SIMC1: variants seen among roughly 807,000 people sequenced by gnomAD.
SIMC1 encodes the protein SUMO interacting motifs containing 1, also known as SUMO-interacting motif-containing protein 1.
In SIMC1, 55 loss-of-function variants were observed where a neutral mutation model predicts 82.3. The observed-to-expected ratio is 0.67, with a 90% CI of 0.54 to 0.84. The LOEUF (loss-of-function observed/expected upper bound fraction) is 0.84, where lower values mean the gene tolerates loss of function less well. Ranked by LOEUF, SIMC1 falls within the 40% of genes least tolerant of loss-of-function variation. The probability of loss-of-function intolerance (pLI) is 0.00; values close to 1 mark genes in which losing one functional copy is unlikely to be tolerated. For synonymous variants in SIMC1, 353 were observed against 426.3 expected (o/e 0.83, Z 2.12); for missense variants, 915 against 1,107.2 (o/e 0.83, Z 2.46).
chr5:176,247,900 A>G (rs1761503406), intron 1 of SIMC1, among the ~76,000 whole-genome samples: 1 of 151,900 alleles, frequency 6.6e-6, no homozygotes, highest in Admixed American at 6.6e-5. Context: ...CAGGTTTGTC[A>G]AAGATCAGAT....
intron 4 of SIMC1, chr5:176,313,144 C>T: frequency 2.5e-6 from 1 of 406,574 alleles, no homozygotes; most frequent in Non-Finnish European, 3.7e-6. Context: ...TTGAGCCAAG[C>T]CAACAGACTT....
intron 1 of SIMC1, among the ~76,000 whole-genome samples, chr5:176,244,435 G>A (rs1353091873): frequency 1.3e-5 from 2 of 148,254 alleles, no homozygotes; most frequent in Non-Finnish European, 1.5e-5. Context: ...ATTTAGTCTT[G>A]TTAGCGCATA....
At chr5:176,269,306 G>T (rs1412907290) in intron 1 of SIMC1, among the ~76,000 whole-genome samples, 8 of 152,104 alleles carry the variant, frequency 5.3e-5, no homozygotes, top group Admixed American at 5.2e-4. Flanking sequence ...TTTAAAAAAT[G>T]TTACCAATAT....
In SIMC1 at chr5:176,332,440, G is replaced by A. The variant is rs373321412; in HGVS notation, c.2172-4280G>A. Among the ~76,000 whole-genome samples the A allele has an allele frequency of 1.3e-3, 198 of 152,080 alleles. 1 individual carries two copies. Among genetic ancestry groups the A allele is most frequent in the African/African-American group, 4.6e-3 (191 of 41,470 alleles). ...CAAGTAGCTGGGATTACAGGCATGCGCCACCAGACCCGGCTAACTTTGCAT... is the reference window on the plus strand; with the variant it reads ...CAAGTAGCTGGGATTACAGGCATGCACCACCAGACCCGGCTAACTTTGCAT... On this transcript the variant is annotated intron_variant, in intron 7 of 9. Transcript: ENST00000429602.
chr5:176,344,676 G>A (rs910098866), intron 9 of SIMC1, among the ~76,000 whole-genome samples: 1 of 152,140 alleles, frequency 6.6e-6, no homozygotes, highest in Non-Finnish European at 1.5e-5. Flanking sequence ...GTGAGGAGGT[G>A]CTACGTAAAC....
chr5:176,291,558 G>C (rs1181115253), intron 2 of SIMC1, among the ~76,000 whole-genome samples: 1 of 151,802 alleles, frequency 6.6e-6, no homozygotes, highest in African/African-American at 2.4e-5. Context: ...GAATGGCCTC[G>C]ATCTCCTGAC....
Position 176,345,486 on chromosome 5 carries a change from T to A in SIMC1, c.*41T>A. Reference sequence around the variant, plus strand: ...TGAATGCCAAGAATACCTCCTGAACTCTCTCTCCAACTGCTCAGAAGCTCT... The same window carrying A: ...TGAATGCCAAGAATACCTCCTGAACACTCTCTCCAACTGCTCAGAAGCTCT... On this transcript the variant is annotated 3_prime_UTR_variant, in exon 10 of 10. Coordinates refer to ENST00000429602, the MANE Select transcript of SIMC1 (RefSeq NM_001308195.2). 1.3e-6 allele frequency: 2 copies of A among 1,576,800 alleles called. No individual in the cohort carries two copies. Among genetic ancestry groups the A allele is most frequent in the Middle Eastern group, 1.7e-4 (1 of 5,858 alleles).
At chr5:176,265,273 A>AACAG (rs571027409) in intron 1 of SIMC1, among the ~76,000 whole-genome samples, 206 of 151,828 alleles carry the variant, frequency 1.4e-3, no homozygotes, top group African/African-American at 4.6e-3. Context: ...ACTTCAAACA[A>AACAG]ACAAACAAAC....
chr5:176,264,582 C>T (rs1249302216), intron 1 of SIMC1, among the ~76,000 whole-genome samples: 3 of 151,634 alleles, frequency 2.0e-5, no homozygotes, highest in Admixed American at 6.6e-5. Context: ...TCCTTCTAGG[C>T]CTCTAGGCCT....
chr5:176,343,054 A>T (rs1181942128), intron 9 of SIMC1, among the ~76,000 whole-genome samples: 2 of 152,200 alleles, frequency 1.3e-5, no homozygotes, highest in African/African-American at 4.8e-5. Context: ...AGACTTTTTG[A>T]ACATGCTGTT....
At chr5:176,279,881 G>A (rs1410180376) in intron 1 of SIMC1, among the ~76,000 whole-genome samples, 3 of 152,088 alleles carry the variant, frequency 2.0e-5, no homozygotes, top group African/African-American at 4.8e-5. Context: ...TCTGAGGAGA[G>A]CTTTACTTCC....
intron 1 of SIMC1, among the ~76,000 whole-genome samples, chr5:176,273,679 A>G (rs1408799092): frequency 1.3e-5 from 2 of 152,010 alleles, no homozygotes; most frequent in Non-Finnish European, 2.9e-5. Context: ...AACAGTCCCC[A>G]GAGTGTGATG....
chr5:176,277,226 T>G (rs1762748673), intron 1 of SIMC1, among the ~76,000 whole-genome samples: 1 of 151,674 alleles, frequency 6.6e-6, no homozygotes, highest in South Asian at 2.1e-4. Context: ...TCATGTGTTT[T>G]TTGGCTGCAT....
intron 7 of SIMC1, among the ~76,000 whole-genome samples, chr5:176,325,929 C>T (rs192832588): frequency 1.3e-5 from 2 of 152,204 alleles, no homozygotes; most frequent in East Asian, 1.9e-4. Flanking sequence ...AATTCAGTTT[C>T]TCTAAACATG....
At chr5:176,279,833 G>T in intron 1 of SIMC1, among the ~76,000 whole-genome samples, 1 of 152,134 alleles carries the variant, frequency 6.6e-6, no homozygotes, top group East Asian at 1.9e-4. Flanking sequence ...ACTGTGGTCT[G>T]AGAGATAGTT....
In SIMC1 at chr5:176,313,841, G is replaced by A. The variant is rs757502195; in HGVS notation, c.1885G>A (p.Val629Ile). 1.9e-6 allele frequency: 3 copies of A among 1,613,376 alleles called. No homozygotes were observed. Among genetic ancestry groups the A allele is most frequent in the Non-Finnish European group, 2.5e-6 (3 of 1,179,862 alleles). Residue 629 changes from valine (V) to isoleucine (I), a missense_variant, in exon 5 of 10, where the codon GTC (valine) becomes ATC (isoleucine). Physicochemically the swap from Val to Ile is conservative, Grantham distance 29 (BLOSUM62 3). This residue lies in a region of SIMC1 where 902 missense variants were observed against 1,040.3 expected (regional missense o/e 0.87). Transcript: ENST00000429602. ...TTCCTGTGACAAGCAGCCCCACAAT[G>A]TCAGGTAAGCAGCCACCTGAGCCCT... ...VLSCDKQPHNVRDVIKWLVKA... is the reference protein window; with the variant it reads ...VLSCDKQPHNIRDVIKWLVKA...
chr5:176,324,804 A>G, intron 7 of SIMC1, 47 bp downstream of exon 7: 1 of 1,487,222 alleles, frequency 6.7e-7, no homozygotes, highest in South Asian at 1.3e-5. Flanking sequence ...AAAAAAAAAC[A>G]AAAAAAACTC....
rs961388429 is a variant in SIMC1, at chr5:176,322,600, C to T, written c.2042+175C>T. ...TAAATTTCTGATTTCAAAGGCAGAACAAAACCAGGTGCTTTCACCCCTAAA... is the reference window on the plus strand; with the variant it reads ...TAAATTTCTGATTTCAAAGGCAGAATAAAACCAGGTGCTTTCACCCCTAAA... On this transcript the variant is annotated intron_variant, in intron 6 of 9. Coordinates refer to ENST00000429602, the MANE Select transcript of SIMC1 (RefSeq NM_001308195.2). The T allele has an allele frequency of 6.4e-6, 5 of 781,688 alleles. No individual in the cohort carries two copies. The African/African-American group carries it at 7.0e-5, about 11-fold the overall frequency. The allele number at this position is 781,688 out of a possible 1,614,324, so 48.4% of individuals were successfully genotyped here.
intron 1 of SIMC1, among the ~76,000 whole-genome samples, chr5:176,279,834 A>G (rs1005411526): frequency 6.6e-6 from 1 of 152,090 alleles, no homozygotes; most frequent in African/African-American, 2.4e-5. Flanking sequence ...CTGTGGTCTG[A>G]GAGATAGTTT....
Sources: allele counts gnomAD v4.1 joint callset (sites outside exome capture counted in the v4.1 genomes callset), GRCh38; gene constraint gnomAD v4.1.1; regional missense constraint gnomAD v4.1.1; transcripts MANE v1.5; gene names NCBI Gene and HGNC (gene_info 2026-07-23, HGNC 2026-07-21).